The following CDK11A variants were observed in gnomAD, a reference collection of about 807,000 sequenced individuals.
CDK11A encodes cyclin dependent kinase 11A.
In CDK11A, 55 loss-of-function variants were observed where a neutral mutation model predicts 83.6. The ratio of observed to expected loss-of-function variants is 0.66; its 90% CI spans 0.53 to 0.82. CDK11A has a LOEUF of 0.82. Ranked by LOEUF, CDK11A falls within the 40% of genes least tolerant of loss-of-function variation. CDK11A has a pLI of 0.00. For missense variants in CDK11A, 564 were observed against 810.1 expected (o/e 0.70, Z 3.69); for synonymous variants, 247 against 302.7 (o/e 0.82, Z 1.91).
chr1:1,717,351 C>G (rs987737278), intron 4 of CDK11A, among the ~76,000 whole-genome samples: 1 of 145,814 alleles, frequency 6.9e-6, no homozygotes, highest in African/African-American at 2.4e-5. Flanking sequence ...AATGAGATTT[C>G]AATCGGGCTC....
rs1644808152 is a variant in CDK11A at position 1,719,336 on chromosome 1, G to A, written c.347C>T (p.Ala116Val). 2 of 1,523,404 alleles carry A rather than the reference G, an allele frequency of 1.3e-6. No homozygotes were observed. The highest frequency in any genetic ancestry group is 1.8e-6 in the Non-Finnish European group (2 of 1,140,268). 94.4% of individuals were successfully genotyped at this position (1,523,404 alleles called of 1,614,324 possible). A position where few individuals can be genotyped will look rare whatever the true frequency, so the allele number is the denominator to read the frequency against. The change falls in exon 4 of 20, where the codon GCA becomes GTA. Residue 116 changes from alanine to valine, a missense_variant. Coordinates refer to ENST00000404249, the MANE Select transcript of CDK11A (RefSeq NM_024011.4). ...AGTAAATGCTTCTGTACCCCCTTCT[G>A]CTGAATGGCTATGATGCCTACATTT... is the stretch of plus-strand genomic sequence containing the variant. ...KEKCRHHSHS[A>V]EGGKHARVKE...
chr1:1,721,499 G>A (rs1644905080), intron 3 of CDK11A, 97 bp downstream of exon 3: 2 of 1,394,700 alleles, frequency 1.4e-6, no homozygotes, highest in East Asian at 2.4e-5. Context: ...AACCTTAATA[G>A]TTACAATAGC....
chr1:1,721,293 G>A (rs571028568), intron 3 of CDK11A, among the ~76,000 whole-genome samples: 2 of 150,272 alleles, frequency 1.3e-5, no homozygotes, highest in Non-Finnish European at 3.0e-5. Flanking sequence ...AGTTACAATA[G>A]CACACCCCGT....
Position 1,718,291 on chromosome 1 carries a change from C to T in CDK11A, c.355+1037G>A, listed in dbSNP as rs566024399. 1.4e-4 allele frequency among the ~76,000 whole-genome samples: 21 copies of T among 147,264 alleles called. 3 individuals carry two copies. In the South Asian group the frequency reaches 4.4e-3, roughly 31 times the overall value. On this transcript the variant is annotated intron_variant, in intron 4 of 19. Transcript: ENST00000404249. ...TCTCTGGTTTTCGGTCTGTGACACA[C>T]GCATGCTTTCAGCTAGAGTATTCTC...
At position 1,703,877 on chromosome 1, in the gene CDK11A, T is replaced by C. The variant is rs1415608300; in HGVS notation, c.1858A>G (p.Lys620Glu). The change falls in exon 17 of 20, where the codon AAG (lysine) becomes GAG (glutamate). Residue 620 changes from lysine (K) to glutamate (E), a missense_variant. Around this residue, in one of 5 missense-constraint regions of CDK11A, gnomAD observed 361 missense variants for 402.7 expected, o/e 0.90. Coordinates refer to ENST00000404249, the MANE Select transcript of CDK11A (RefSeq NM_024011.4). Reference protein sequence around the residue: ...GCIFGELLTQKPLFPGNSEID... With the variant: ...GCIFGELLTQEPLFPGNSEID... ...TCCGAATTCCCGGGGAACAGAGGCT[T>C]CTGAGTCAGCAGCTCCCCGAAGATG... The C allele has an allele frequency of 6.2e-7, 1 of 1,609,654 alleles. No homozygotes were observed. Among genetic ancestry groups the C allele is most frequent in the African/African-American group, 1.3e-5 (1 of 74,562 alleles).
chr1:1,718,769 T>C (rs1644780827), intron 4 of CDK11A, among the ~76,000 whole-genome samples: 1 of 150,684 alleles, frequency 6.6e-6, no homozygotes, highest in Non-Finnish European at 1.5e-5. Flanking sequence ...CCAGAGCAGC[T>C]GGGACTACAG....
rs756189308 is a variant in CDK11A at position 1,704,125 on chromosome 1, G to A, written c.1708C>T (p.Arg570Trp). The A allele has an allele frequency of 8.1e-6, 13 of 1,604,168 alleles. No individual in the cohort carries two copies. The highest frequency in any genetic ancestry group is 4.5e-5 in the East Asian group (2 of 44,754). ...ILKVGDFGLA[R>W]EYGSPLKAYT... ...GCCTTCAGAGGGGATCCGTACTCCC[G>A]CGCCAGCCCAAAATCACCCACCTGC... The change falls in exon 16 of 20, where the codon CGG becomes TGG. Residue 570 changes from arginine (R) to tryptophan (W), a missense_variant. Transcript: ENST00000404249.
In CDK11A at chr1:1,706,556, A is replaced by G. The variant is rs1282990091; in HGVS notation, c.1246-824T>C. Among the ~76,000 whole-genome samples, 32 of 151,210 alleles carry G rather than the reference A, an allele frequency of 2.1e-4. 1 individual carries two copies. Among genetic ancestry groups the G allele is most frequent in the Non-Finnish European group, 1.5e-5 (1 of 67,684 alleles). On this transcript the variant is annotated intron_variant, in intron 11 of 19. Coordinates refer to ENST00000404249, the MANE Select transcript of CDK11A (RefSeq NM_024011.4). ...AGAGACAGACCCAGTCTCCAAAAAAAAGGCCATCCGGAGAGTCTCTCTGTC... is the reference window on the plus strand; with the variant it reads ...AGAGACAGACCCAGTCTCCAAAAAAGAGGCCATCCGGAGAGTCTCTCTGTC...
chr1:1,722,421 G>C (rs1419693653), intron 2 of CDK11A: 5 of 612,974 alleles, frequency 8.2e-6, no homozygotes, highest in Non-Finnish European at 1.4e-5. Context: ...CTTAGAGATA[G>C]TATTATGAAT....
chr1:1,707,027 G>A (rs1644339143), intron 11 of CDK11A, among the ~76,000 whole-genome samples: 1 of 143,108 alleles, frequency 7.0e-6, no homozygotes, highest in Admixed American at 6.8e-5. Flanking sequence ...TCCAAGCCCT[G>A]CACAGATGCC....
At position 1,702,795 on chromosome 1, in the gene CDK11A, CAT is replaced by C. The variant is rs1172590772; in HGVS notation, c.*110_*111del. The C allele has an allele frequency of 1.9e-6, 1 of 520,434 alleles. No homozygotes were observed. Among genetic ancestry groups the C allele is most frequent in the Admixed American group, 3.4e-5 (1 of 29,758 alleles). The allele number at this position is 520,434 out of a possible 1,614,324, so 32.2% of individuals were successfully genotyped here. A position where few individuals can be genotyped will look rare whatever the true frequency, so the allele number is the denominator to read the frequency against. On this transcript the variant is annotated 3_prime_UTR_variant, in exon 20 of 20. Transcript: ENST00000404249. The stretch of plus-strand genomic sequence containing the variant: ...TACAAACCAAAATACAAAAACAAAA[CAT>C]GGAGCACAAAGTAAGACGAGGAGTT...
Position 1,721,675 on chromosome 1 carries a change from C to T in CDK11A, c.148G>A (p.Glu50Lys). The change falls in exon 3 of 20, where the codon GAG becomes AAG. Residue 50 changes from glutamate (E) to lysine (K), a missense_variant. Around this residue, in one of 5 missense-constraint regions of CDK11A, gnomAD observed 151 missense variants for 147.4 expected, o/e 1.02. Coordinates refer to ENST00000404249, the MANE Select transcript of CDK11A (RefSeq NM_024011.4). ...DRDSKRDSLE[E>K]GELRDHCMEI... ...ATGCAGTGATCTCTCAGCTCCCCCT[C>T]CTCAAGGGAATCCCGCTTGGAATCC... 6.3e-7 allele frequency: 1 copy of T among 1,597,432 alleles called. No individual in the cohort carries two copies. Among genetic ancestry groups the T allele is most frequent in the Non-Finnish European group, 8.6e-7 (1 of 1,165,906 alleles).
chr1:1,715,994 A>G (rs1283908346), intron 5 of CDK11A, among the ~76,000 whole-genome samples: 1 of 150,810 alleles, frequency 6.6e-6, no homozygotes, highest in African/African-American at 2.4e-5. Context: ...TAGCATGGTC[A>G]TAGCTTACTG....
intron 2 of CDK11A, chr1:1,722,365 A>G: frequency 2.8e-6 from 1 of 359,790 alleles, no homozygotes; most frequent in Non-Finnish European, 5.5e-6. Flanking sequence ...AAAGACGTAA[A>G]ATATTTATAT....
chr1:1,721,465 T>C (rs1644903775), intron 3 of CDK11A, 131 bp downstream of exon 3: 3 of 1,040,656 alleles, frequency 2.9e-6, no homozygotes, highest in Non-Finnish European at 4.1e-6. Context: ...ACACGCCCTG[T>C]CACGGTAACT....
intron 6 of CDK11A, 76 bp downstream of exon 6, chr1:1,712,186 CTG>C (rs1483415716): frequency 1.7e-6 from 2 of 1,173,480 alleles, no homozygotes; most frequent in Non-Finnish European, 2.3e-6. Context: ...AAGCGCCCGC[CTG>C]TGACAGCAAG....
chr1:1,719,128 C>A (rs879026274), intron 4 of CDK11A, 200 bp downstream of exon 4: 1 of 375,612 alleles, frequency 2.7e-6, no homozygotes, highest in East Asian at 5.3e-5. Flanking sequence ...CTCTATAGCC[C>A]CTCTGAATGG....
chr1:1,711,988 A>G (rs1644492525), intron 6 of CDK11A, among the ~76,000 whole-genome samples: 1 of 116,068 alleles, frequency 8.6e-6, no homozygotes, highest in Non-Finnish European at 2.0e-5. Flanking sequence ...AAAATAGCTG[A>G]ACATGGTGGC....
Position 1,704,219 on chromosome 1 carries a change from T to A in CDK11A, c.1686+4A>T. 9.3e-6 allele frequency: 15 copies of A among 1,608,194 alleles called. 1 individual carries two copies. The highest frequency in any genetic ancestry group is 1.3e-5 in the Non-Finnish European group (15 of 1,176,678). ...TGGGATGGGCCACTCGGAGGGGGGC[T>A]CACCTTGAGGATGCCGGCGTGGCTC... On this transcript the variant is annotated splice_donor_region_variant and intron_variant, in intron 15 of 19. Coordinates refer to ENST00000404249, the MANE Select transcript of CDK11A (RefSeq NM_024011.4).
Sources: allele counts gnomAD v4.1 joint callset (sites outside exome capture counted in the v4.1 genomes callset), GRCh38; gene constraint gnomAD v4.1.1; regional missense constraint gnomAD v4.1.1; transcripts MANE v1.5; gene names NCBI Gene and HGNC (gene_info 2026-07-23, HGNC 2026-07-21).